RIMS2: variants seen among roughly 807,000 people sequenced by gnomAD.
The protein encoded by RIMS2 is regulating synaptic membrane exocytosis 2.
In RIMS2, 59 loss-of-function variants were observed where a neutral mutation model predicts 174.4. That is an observed-to-expected ratio of 0.34 (90% confidence interval 0.27 to 0.42). RIMS2 has a LOEUF of 0.42. Ranked by LOEUF, RIMS2 falls within the 10% of genes least tolerant of loss-of-function variation. The pLI is 1.00. For synonymous variants in RIMS2, 606 were observed against 572.5 expected, an observed-to-expected ratio of 1.06 and a Z score of -0.84; for missense variants, 1,620 against 1,666.3, an observed-to-expected ratio of 0.97 and a Z score of 0.48.
intron 1 of RIMS2, among the ~76,000 whole-genome samples, chr8:103,551,560 C>T (rs1375818579): frequency 6.6e-6 from 1 of 152,174 alleles, no homozygotes; most frequent in African/African-American, 2.4e-5. Context: ...TACCCTCTCT[C>T]ACCACTCCTA....
At chr8:103,934,898 C>G (rs2080897867) in intron 12 of RIMS2, among the ~76,000 whole-genome samples, 1 of 152,066 alleles carries the variant, frequency 6.6e-6, no homozygotes, top group Non-Finnish European at 1.5e-5. Flanking sequence ...GGGGTTTCAC[C>G]ATGTTGGCCA....
intron 19 of RIMS2, among the ~76,000 whole-genome samples, chr8:104,159,236 T>C (rs2098745279): frequency 6.6e-6 from 1 of 152,188 alleles, no homozygotes; most frequent in Non-Finnish European, 1.5e-5. Context: ...GAGGCCTCTA[T>C]TCTGTTCCAT....
At chr8:104,213,338 A>G (rs994185967) in intron 19 of RIMS2, among the ~76,000 whole-genome samples, 2 of 152,108 alleles carry the variant, frequency 1.3e-5, no homozygotes, top group African/African-American at 4.8e-5. Flanking sequence ...TCCTTCTGTG[A>G]CTTCCCCAAA....
At chr8:103,880,218 C>A (rs2099160788) in intron 3 of RIMS2, among the ~76,000 whole-genome samples, 1 of 151,556 alleles carries the variant, frequency 6.6e-6, no homozygotes, top group African/African-American at 2.4e-5. Context: ...AGAAATACTG[C>A]AATTCATATA....
chr8:103,968,007 C>T lies in RIMS2; in HGVS notation c.2770+6874C>T, dbSNP rs192097416. Among the ~76,000 whole-genome samples the T allele has an allele frequency of 7.8e-4, 118 of 152,048 alleles. 1 individual carries two copies. In the East Asian group the frequency reaches 0.021, roughly 27 times the overall value. On this transcript the variant is annotated intron_variant, in intron 15 of 23. Coordinates refer to ENST00000504942, the Ensembl canonical transcript of RIMS2. ...TCCTGAGTAGCTGAGACTACAGGCA[C>T]ATGCCACCACATCTGGCTAATTTTT...
intron 3 of RIMS2, among the ~76,000 whole-genome samples, chr8:103,857,352 G>A (rs6988613): frequency 0.68 from 103,100 of 152,044 alleles, 35,907 homozygotes; most frequent in African/African-American, 0.76. Flanking sequence ...GTTGCATATT[G>A]TAATGCTCAC....
chr8:104,035,904 G>A (rs1360252636), intron 19 of RIMS2, among the ~76,000 whole-genome samples: 1 of 151,968 alleles, frequency 6.6e-6, no homozygotes, highest in Non-Finnish European at 1.5e-5. Flanking sequence ...GACAAATCAG[G>A]TGATAGAATT....
intron 19 of RIMS2, among the ~76,000 whole-genome samples, chr8:104,022,382 C>A (rs377646793): frequency 7.1e-6 from 1 of 140,438 alleles, no homozygotes; most frequent in African/African-American, 2.8e-5. Flanking sequence ...AGATTTCTCT[C>A]TTTTTTTGTT....
At chr8:103,936,788 G>T in intron 13 of RIMS2, 66 bp downstream of exon 15, 1 of 1,245,222 alleles carries the variant, frequency 8.0e-7, no homozygotes, top group East Asian at 2.5e-5. Flanking sequence ...TTATATAACT[G>T]TCAGTATAAT....
intron 19 of RIMS2, among the ~76,000 whole-genome samples, chr8:104,074,586 A>G (rs2097256365): frequency 6.6e-6 from 1 of 152,212 alleles, no homozygotes; most frequent in Admixed American, 6.5e-5. Flanking sequence ...ATATCTTTGA[A>G]TGTTCCCTTT....
At chr8:104,247,248 A>G (rs2099339459) in intron 20 of RIMS2, among the ~76,000 whole-genome samples, 1 of 152,212 alleles carries the variant, frequency 6.6e-6, no homozygotes, top group Non-Finnish European at 1.5e-5. Flanking sequence ...GGTGGCTTAA[A>G]AAGCAGGAAT....
At position 103,612,390 on chromosome 8, in the gene RIMS2, G is replaced by C. The variant is rs1582770; in HGVS notation, c.177-84696G>C. Reference sequence around the variant, plus strand: ...GGCATTGAAGAGTTAGGTATTTATTGTAGTCTTCACAGTCTGGGCTTGTTT... The same window carrying C: ...GGCATTGAAGAGTTAGGTATTTATTCTAGTCTTCACAGTCTGGGCTTGTTT... On this transcript the variant is annotated intron_variant, in intron 1 of 23. Coordinates refer to ENST00000504942, the Ensembl canonical transcript of RIMS2. Among the ~76,000 whole-genome samples, 3 of 151,866 alleles carry C rather than the reference G, an allele frequency of 2.0e-5. No individual in the cohort carries two copies. The East Asian group carries it at 5.8e-4, about 29-fold the overall frequency.
chr8:104,060,357 T>G (rs2096960199), intron 19 of RIMS2, among the ~76,000 whole-genome samples: 1 of 151,388 alleles, frequency 6.6e-6, no homozygotes. Context: ...TTTATTTGCA[T>G]AGAGTTGTTT....
chr8:103,821,952 A>G (rs1250378045), intron 3 of RIMS2, among the ~76,000 whole-genome samples: 3 of 151,664 alleles, frequency 2.0e-5, no homozygotes, highest in Non-Finnish European at 4.4e-5. Context: ...CATCAATTAT[A>G]TAACTATCAC....
intron 1 of RIMS2, among the ~76,000 whole-genome samples, chr8:103,513,359 T>C (rs1265651764): frequency 6.6e-6 from 1 of 152,208 alleles, no homozygotes; most frequent in African/African-American, 2.4e-5. Context: ...CTGCATTCTA[T>C]AAAATGAAGA....
chr8:104,068,945 A>G (rs2097150795), intron 19 of RIMS2, among the ~76,000 whole-genome samples: 1 of 152,120 alleles, frequency 6.6e-6, no homozygotes, highest in Admixed American at 6.5e-5. Context: ...TTCCCATTTT[A>G]TAGTATTTTA....
intron 19 of RIMS2, among the ~76,000 whole-genome samples, chr8:104,097,988 G>A (rs1297713822): frequency 6.6e-6 from 1 of 152,050 alleles, no homozygotes; most frequent in Non-Finnish European, 1.5e-5. Flanking sequence ...AATTAACACA[G>A]TAACTAAAAT....
intron 4 of RIMS2, chr8:103,910,078 G>A: frequency 9.4e-7 from 1 of 1,060,046 alleles, no homozygotes; most frequent in Non-Finnish European, 1.5e-6. Flanking sequence ...TAATGTCTCT[G>A]TCTGTCCCTT....
intron 1 of RIMS2, among the ~76,000 whole-genome samples, chr8:103,631,818 T>C (rs185815699): frequency 1.3e-5 from 2 of 152,326 alleles, no homozygotes; most frequent in Admixed American, 1.3e-4. Context: ...CAGTGTTTTG[T>C]AATTCTCCTT....
Sources: allele counts gnomAD v4.1 joint callset (sites outside exome capture counted in the v4.1 genomes callset), GRCh38; gene constraint gnomAD v4.1.1; transcripts MANE v1.5; gene names NCBI Gene and HGNC (gene_info 2026-07-23, HGNC 2026-07-21).